The following FKBP15 variants were observed in gnomAD, a reference collection of about 807,000 sequenced individuals.
The protein encoded by FKBP15 is FK506-binding protein 15.
Under a neutral mutation model 158.1 loss-of-function variants are expected in FKBP15, and 106 were observed. That is an observed-to-expected ratio of 0.67 (90% CI 0.57 to 0.79). The LOEUF (loss-of-function observed/expected upper bound fraction) is 0.79. FKBP15 is among the 30% of genes least tolerant of loss of function. FKBP15 has a pLI of 0.00. For missense variants in FKBP15, 1,287 were observed against 1,479.1 expected (o/e 0.87, Z 2.13); for synonymous variants, 547 against 548.6 (o/e 1.00, Z 0.04).
chr9:113,188,067 G>T, intron 13 of FKBP15, 168 bp from the exon 14 acceptor site: 1 of 646,728 alleles, frequency 1.5e-6, no homozygotes, highest in South Asian at 1.9e-5. Context: ...GAAGGAAACT[G>T]GGTGCTCTCA....
chr9:113,177,390 C>G (rs924200676), intron 20 of FKBP15, among the ~76,000 whole-genome samples: 20 of 152,172 alleles, frequency 1.3e-4, no homozygotes, highest in African/African-American at 4.8e-4. Context: ...AGGTAATTGT[C>G]ATAAGGCACC....
intron 19 of FKBP15, among the ~76,000 whole-genome samples, chr9:113,179,493 C>T (rs1187074588): frequency 6.6e-6 from 1 of 151,968 alleles, no homozygotes; most frequent in African/African-American, 2.4e-5. Flanking sequence ...GAAACTCGGT[C>T]TCTACTAAAA....
intron 23 of FKBP15, 92 bp downstream of exon 23, chr9:113,173,361 T>G: frequency 7.4e-7 from 1 of 1,342,746 alleles, no homozygotes; most frequent in Non-Finnish European, 1.0e-6. Flanking sequence ...TTAATAACTT[T>G]CAGGCTTAGA....
Position 113,161,053 on chromosome 9 carries a change from A to AAT in FKBP15, c.*5023_*5024dup. 6.5e-6 allele frequency: 1 copy of AAT among 153,432 alleles called. No homozygotes were observed. Among genetic ancestry groups the AAT allele is most frequent in the Middle Eastern group, 3.3e-3 (1 of 302 alleles). 9.5% of individuals were successfully genotyped at this position (153,432 alleles called of 1,614,324 possible). On this transcript the variant is annotated 3_prime_UTR_variant, in exon 28 of 28. Coordinates refer to ENST00000238256, the MANE Select transcript of FKBP15 (RefSeq NM_015258.2). ...TGGGTTTTTCCCCTATTATAAAAGT[A>AAT]ATATATATAAAAGAAACCTTAGAAA... is the stretch of plus-strand genomic sequence containing the variant.
chr9:113,194,198 T>A (rs1460473266), intron 9 of FKBP15, 29 bp from the exon 10 acceptor site: 1 of 1,551,078 alleles, frequency 6.4e-7, no homozygotes, highest in Non-Finnish European at 8.7e-7. Context: ...TTCTCACTCA[T>A]AGGTGGGAAT....
At chr9:113,216,143 G>C (rs1831129863) in intron 1 of FKBP15, among the ~76,000 whole-genome samples, 1 of 143,208 alleles carries the variant, frequency 7.0e-6, no homozygotes, top group South Asian at 2.2e-4. Context: ...AAAAAAAAAG[G>C]GGGTATGCCC....
chr9:113,213,598 A>C (rs1387824491), intron 1 of FKBP15, among the ~76,000 whole-genome samples: 1 of 148,632 alleles, frequency 6.7e-6, no homozygotes, highest in Non-Finnish European at 1.5e-5. Flanking sequence ...AAAAAAAAGG[A>C]TTACTAGATT....
chr9:113,182,374 C>T (rs887310821), intron 19 of FKBP15, among the ~76,000 whole-genome samples: 3 of 152,186 alleles, frequency 2.0e-5, no homozygotes, highest in African/African-American at 7.2e-5. Flanking sequence ...TGAAGTCAAA[C>T]AGTAGTACTT....
At chr9:113,200,109 T>A in intron 6 of FKBP15, 146 bp from the exon 7 acceptor site, 3 of 926,016 alleles carry the variant, frequency 3.2e-6, no homozygotes, top group Non-Finnish European at 4.7e-6. Context: ...AAGCCAGTTA[T>A]CTTGCCAGGG....
At chr9:113,214,586 G>C (rs1308724153) in intron 1 of FKBP15, among the ~76,000 whole-genome samples, 1 of 152,152 alleles carries the variant, frequency 6.6e-6, no homozygotes, top group Non-Finnish European at 1.5e-5. Flanking sequence ...TAATGCCTAA[G>C]GGCCCTAGGA....
Position 113,173,641 on chromosome 9 carries a change from G to A in FKBP15, c.2380-36C>T, listed in dbSNP as rs770010724. 3 of 1,596,334 alleles carry A rather than the reference G, an allele frequency of 1.9e-6. No homozygotes were observed. In the African/African-American group the frequency reaches 4.0e-5, roughly 21 times the overall value. On this transcript the variant is annotated intron_variant, in intron 22 of 27. Coordinates refer to ENST00000238256, the MANE Select transcript of FKBP15 (RefSeq NM_015258.2). ...AAAGTAATGACCATATCATCCTTGG[G>A]GGTGGGGGAGTGAGATTCCATTGCA...
intron 14 of FKBP15, 185 bp downstream of exon 14, chr9:113,187,608 A>C: frequency 1.7e-6 from 1 of 592,792 alleles, no homozygotes; most frequent in Non-Finnish European, 3.1e-6. Context: ...TCTTTATGAC[A>C]CTGGAACGTA....
In FKBP15 at chr9:113,161,930, C is replaced by A. The variant is rs1830020273; in HGVS notation, c.*4148G>T. 7 of 635,836 alleles carry A rather than the reference C, an allele frequency of 1.1e-5. No homozygotes were observed. In the African/African-American group the frequency reaches 1.3e-4, roughly 12 times the overall value. The allele number at this position is 635,836 out of a possible 1,614,324, so 39.4% of individuals were successfully genotyped here. ...CCACTTGAGAGGCTCAGAAGGCTTT[C>A]TTTAGGGAACAGTGATCTTCAGGTG... is the stretch of plus-strand genomic sequence containing the variant. On this transcript the variant is annotated 3_prime_UTR_variant, in exon 28 of 28. Transcript: ENST00000238256.
intron 18 of FKBP15, among the ~76,000 whole-genome samples, 189 bp from the exon 19 acceptor site, chr9:113,183,057 T>C (rs191084980): frequency 7.9e-5 from 12 of 152,208 alleles, no homozygotes; most frequent in African/African-American, 2.9e-4. Context: ...AGCAGGAACC[T>C]GGGCCAGCAG....
chr9:113,210,547 C>T (rs1035286654), intron 2 of FKBP15, among the ~76,000 whole-genome samples: 1 of 152,122 alleles, frequency 6.6e-6, no homozygotes, highest in Non-Finnish European at 1.5e-5. Context: ...TGGCCAGAAT[C>T]GTCTCGATCT....
At position 113,187,820 on chromosome 9, in the gene FKBP15, A is replaced by G; in HGVS notation, c.1356T>C (p.Ala452=). ...MQVSSLDSHS[A]VSGNAQSFQP... Reference sequence around the variant, plus strand: ...GAAAGGATTGGGCATTTCCAGATACAGCTGAGTGGGAATCGAGAGATGACA... The same window carrying G: ...GAAAGGATTGGGCATTTCCAGATACGGCTGAGTGGGAATCGAGAGATGACA... The change falls in exon 14 of 28, where the codon GCT becomes GCC. Residue 452 remains alanine, a synonymous_variant. Coordinates refer to ENST00000238256, the MANE Select transcript of FKBP15 (RefSeq NM_015258.2). 6.2e-7 allele frequency: 1 copy of G among 1,613,968 alleles called. No homozygotes were observed. The highest frequency in any genetic ancestry group is 8.5e-7 in the Non-Finnish European group (1 of 1,179,832).
intron 3 of FKBP15, 124 bp downstream of exon 3, chr9:113,207,088 G>T: frequency 1.4e-6 from 1 of 722,836 alleles, no homozygotes. Flanking sequence ...AAGTTCTACT[G>T]ATATTTTGTC....
chr9:113,196,258 T>A (rs1465032797), intron 9 of FKBP15, among the ~76,000 whole-genome samples: 3 of 152,176 alleles, frequency 2.0e-5, no homozygotes, highest in Admixed American at 6.5e-5. Context: ...AATCTTTGCA[T>A]ACTTATGTAA....
At chr9:113,182,665 G>A (rs1420975496) in intron 19 of FKBP15, 101 bp downstream of exon 19, 11 of 847,492 alleles carry the variant, frequency 1.3e-5, no homozygotes, top group Non-Finnish European at 1.9e-5. Flanking sequence ...TGCAGTGACT[G>A]CAAAAATTCT....
Sources: allele counts gnomAD v4.1 joint callset (sites outside exome capture counted in the v4.1 genomes callset), GRCh38; gene constraint gnomAD v4.1.1; transcripts MANE v1.5; gene names NCBI Gene and HGNC (gene_info 2026-07-23, HGNC 2026-07-21).